CDH9: variants seen among roughly 807,000 people sequenced by gnomAD.
CDH9 encodes cadherin-9.
In CDH9, 28 loss-of-function variants were observed where a neutral mutation model predicts 70.9. The ratio of observed to expected loss-of-function variants is 0.40; its 90% CI spans 0.29 to 0.54. The LOEUF (loss-of-function observed/expected upper bound fraction) is 0.54, where lower values mean the gene tolerates loss of function less well. Ranked by LOEUF, CDH9 falls within the 20% of genes least tolerant of loss-of-function variation. The probability of loss-of-function intolerance (pLI) is 0.59; values close to 1 mark genes in which losing one functional copy is unlikely to be tolerated. For synonymous variants in CDH9, 409 were observed against 343.1 expected, an observed-to-expected ratio of 1.19 and a Z score of -2.12; for missense variants, 874 against 984.4, an observed-to-expected ratio of 0.89 and a Z score of 1.50.
chr5:27,032,184 C>CT (rs1743320891), intron 1 of CDH9, among the ~76,000 whole-genome samples: 3 of 151,390 alleles, frequency 2.0e-5, no homozygotes. Flanking sequence ...TTTAAGAGCA[C>CT]TTTATTATTG....
chr5:27,001,480 A>T (rs1374874890), intron 1 of CDH9, among the ~76,000 whole-genome samples: 5 of 152,170 alleles, frequency 3.3e-5, no homozygotes. Flanking sequence ...GATAACCAAC[A>T]GGAGGTTACC....
chr5:26,977,827 G>A (rs1260523628), intron 2 of CDH9, among the ~76,000 whole-genome samples: 1 of 152,066 alleles, frequency 6.6e-6, no homozygotes, highest in East Asian at 1.9e-4. Flanking sequence ...TTCAGATACT[G>A]AGAAGAGTTT....
At chr5:26,938,726 C>A (rs569956531) in intron 2 of CDH9, among the ~76,000 whole-genome samples, 2 of 152,022 alleles carry the variant, frequency 1.3e-5, no homozygotes, top group African/African-American at 4.8e-5. Context: ...GGGAACTGAT[C>A]AACAAATTGG....
At chr5:26,971,663 GTGCA>G (rs1019534579) in intron 2 of CDH9, among the ~76,000 whole-genome samples, 2 of 152,100 alleles carry the variant, frequency 1.3e-5, no homozygotes, top group Admixed American at 1.3e-4. Flanking sequence ...ATGTGTTTCT[GTGCA>G]TGTGTGTGTA....
At chr5:26,885,501 T>G in intron 11 of CDH9, 113 bp downstream of exon 11, 1 of 917,688 alleles carries the variant, frequency 1.1e-6, no homozygotes, top group Non-Finnish European at 1.6e-6. Flanking sequence ...TAATAAAAAG[T>G]GAAAATGTTC....
chr5:26,886,964 A>G (rs1453339081), intron 9 of CDH9, among the ~76,000 whole-genome samples: 2 of 152,196 alleles, frequency 1.3e-5, no homozygotes, highest in African/African-American at 4.8e-5. Flanking sequence ...GACAGGTCTC[A>G]TAGTCTAACA....
intron 2 of CDH9, among the ~76,000 whole-genome samples, chr5:26,984,751 A>T (rs1286874807): frequency 6.6e-6 from 1 of 152,114 alleles, no homozygotes; most frequent in African/African-American, 2.4e-5. Context: ...AATTATTATG[A>T]CTTTTTTTCC....
intron 2 of CDH9, among the ~76,000 whole-genome samples, chr5:26,958,026 G>A (rs1741974813): frequency 6.6e-6 from 1 of 152,086 alleles, no homozygotes; most frequent in African/African-American, 2.4e-5. Flanking sequence ...AGAAATTCTA[G>A]CAAGTTCCTG....
chr5:26,973,042 T>G (rs1459623752), intron 2 of CDH9, among the ~76,000 whole-genome samples: 1 of 152,098 alleles, frequency 6.6e-6, no homozygotes, highest in African/African-American at 2.4e-5. Context: ...TTTTGTATTT[T>G]TAGTAGAGAT....
At chr5:26,961,901 C>T (rs574178480) in intron 2 of CDH9, among the ~76,000 whole-genome samples, 3 of 152,134 alleles carry the variant, frequency 2.0e-5, no homozygotes, top group East Asian at 1.9e-4. Flanking sequence ...TAGGTGTACA[C>T]GTGTCATGTT....
At chr5:26,942,296 C>T (rs911794271) in intron 2 of CDH9, among the ~76,000 whole-genome samples, 2 of 152,144 alleles carry the variant, frequency 1.3e-5, no homozygotes, top group Admixed American at 1.3e-4. Context: ...AATTACTTCC[C>T]ACTGGGTCCC....
chr5:26,950,095 G>A (rs1419549026), intron 2 of CDH9, among the ~76,000 whole-genome samples: 1 of 152,024 alleles, frequency 6.6e-6, no homozygotes, highest in Non-Finnish European at 1.5e-5. Flanking sequence ...ACATAAAAAG[G>A]GGTTTTCTTC....
rs1742520258 is a variant in CDH9, at chr5:26,988,242, T to C, written c.92A>G (p.Tyr31Cys). The change falls in exon 2 of 12, where the codon TAT becomes TGT. Residue 31 changes from tyrosine to cysteine, a missense_variant. Tyr to Cys is a radical substitution (Grantham distance 194). Transcript: ENST00000231021. Reference sequence around the variant, plus strand: ...ACCCGCTATCTTTTTGCTTGATAAATAACTGTTAGGTTTTTCTTGTAATAG... The same window carrying C: ...ACCCGCTATCTTTTTGCTTGATAAACAACTGTTAGGTTTTTCTTGTAATAG... ...TILLQEKPNS[Y>C]LSSKKIAGLT... The C allele has an allele frequency of 1.2e-6, 2 of 1,613,524 alleles. No individual in the cohort carries two copies. Among genetic ancestry groups the C allele is most frequent in the East Asian group, 4.5e-5 (2 of 44,832 alleles).
intron 11 of CDH9, among the ~76,000 whole-genome samples, chr5:26,884,426 A>G (rs765605239): frequency 3.9e-5 from 6 of 152,168 alleles, no homozygotes; most frequent in Non-Finnish European, 8.8e-5. Context: ...ACGTGAAATC[A>G]GTAGCACTTA....
At chr5:27,006,212 A>G (rs1357955795) in intron 1 of CDH9, among the ~76,000 whole-genome samples, 1 of 152,206 alleles carries the variant, frequency 6.6e-6, no homozygotes, top group African/African-American at 2.4e-5. Flanking sequence ...AAAATTAGTC[A>G]TATGAAAGAG....
chr5:26,982,673 GT>G (rs969097051), intron 2 of CDH9, among the ~76,000 whole-genome samples: 9 of 151,582 alleles, frequency 5.9e-5, no homozygotes, highest in East Asian at 1.9e-4. Context: ...CTATGAATAA[GT>G]TTTTTTTGTT....
At chr5:27,017,785 C>A (rs1743070664) in intron 1 of CDH9, among the ~76,000 whole-genome samples, 1 of 151,996 alleles carries the variant, frequency 6.6e-6, no homozygotes, top group South Asian at 2.1e-4. Context: ...GGCAAAGACA[C>A]TTGGGAGGTA....
At chr5:26,957,133 A>T (rs182246735) in intron 2 of CDH9, among the ~76,000 whole-genome samples, 1 of 150,892 alleles carries the variant, frequency 6.6e-6, no homozygotes, top group African/African-American at 2.4e-5. Flanking sequence ...CCTGATTTTT[A>T]TGTATTTTCC....
chr5:26,885,539 T>C (rs1740549183), intron 11 of CDH9, 75 bp downstream of exon 11: 6 of 1,163,210 alleles, frequency 5.2e-6, no homozygotes, highest in Non-Finnish European at 7.6e-6. Context: ...AAAATTGTTA[T>C]TCAGTGCACC....
Sources: allele counts gnomAD v4.1 joint callset (sites outside exome capture counted in the v4.1 genomes callset), GRCh38; gene constraint gnomAD v4.1.1; transcripts MANE v1.5; gene names NCBI Gene and HGNC (gene_info 2026-07-23, HGNC 2026-07-21).